PRORP: variants seen among roughly 807,000 people sequenced by gnomAD.
PRORP encodes the protein mitochondrial ribonuclease P catalytic subunit.
A neutral mutation model predicts 59.4 loss-of-function variants in PRORP; 51 were observed. The observed-to-expected ratio is 0.86, with a 90% confidence interval of 0.69 to 1.08. The LOEUF (loss-of-function observed/expected upper bound fraction) is 1.08, where lower values mean the gene tolerates loss of function less well. Ranked by LOEUF, PRORP falls within the 50% of genes least tolerant of loss-of-function variation. PRORP has a pLI of 0.00. For synonymous variants in PRORP, 231 were observed against 245.6 expected (o/e 0.94, Z 0.55); for missense variants, 646 against 690.3 (o/e 0.94, Z 0.72).
chr14:35,123,277 T>C lies in PRORP; in HGVS notation c.32T>C (p.Phe11Ser). The change falls in exon 2 of 8, where the codon TTT becomes TCT. Residue 11 changes from phenylalanine (F) to serine (S), a missense_variant. By Grantham distance (155) the Phe-to-Ser change is radical (BLOSUM62 -2). Transcript: ENST00000534898. ...TTCTATTTGTTTGGTATTCGAAGCT[T>C]TCCGAAGCTTTGGAAGAGCCCATAC... is the stretch of plus-strand genomic sequence containing the variant. MTFYLFGIRS[F>S]PKLWKSPYLG... 1 of 1,612,522 alleles carries C rather than the reference T, an allele frequency of 6.2e-7. No homozygotes were observed. Among genetic ancestry groups the C allele is most frequent in the Non-Finnish European group, 8.5e-7 (1 of 1,179,514 alleles).
intron 5 of PRORP, among the ~76,000 whole-genome samples, chr14:35,194,676 G>A (rs2048966468): frequency 2.0e-5 from 3 of 151,808 alleles, no homozygotes; most frequent in South Asian, 4.1e-4. Flanking sequence ...AGAACTTAAA[G>A]TATAATTAAT....
At chr14:35,172,967 A>G (rs1288055919) in intron 4 of PRORP, among the ~76,000 whole-genome samples, 1 of 151,872 alleles carries the variant, frequency 6.6e-6, no homozygotes, top group African/African-American at 2.4e-5. Context: ...TCCCAAGATC[A>G]AGCAATTCTC....
At chr14:35,260,140 T>C (rs139981296) in intron 5 of PRORP, among the ~76,000 whole-genome samples, 12 of 151,648 alleles carry the variant, frequency 7.9e-5, no homozygotes, top group Middle Eastern at 3.4e-3. Flanking sequence ...GCCTCCAGAG[T>C]AGCTGGGACC....
At position 35,122,978 on chromosome 14, in the gene PRORP, C is replaced by T; in HGVS notation, c.-268C>T. ...TTCATGAACTGGAATGTAAGAGGCA[C>T]CAGAGGATTCCTGCTCTGTCCCCTG... is the stretch of plus-strand genomic sequence containing the variant. On this transcript the variant is annotated 5_prime_UTR_variant, in exon 2 of 8. Transcript: ENST00000534898. 1 of 426,434 alleles carries T rather than the reference C, an allele frequency of 2.3e-6. No individual in the cohort carries two copies. The highest frequency in any genetic ancestry group is 4.2e-6 in the Non-Finnish European group (1 of 235,530). 26.4% of individuals were successfully genotyped at this position (426,434 alleles called of 1,614,324 possible).
At chr14:35,173,296 T>C (rs1255897656) in intron 4 of PRORP, among the ~76,000 whole-genome samples, 1 of 152,242 alleles carries the variant, frequency 6.6e-6, no homozygotes, top group Non-Finnish European at 1.5e-5. Context: ...CTTTAGAGAT[T>C]ATCTATGTTT....
At chr14:35,231,863 A>C (rs1423820344) in intron 5 of PRORP, among the ~76,000 whole-genome samples, 1 of 152,222 alleles carries the variant, frequency 6.6e-6, no homozygotes, top group East Asian at 1.9e-4. Context: ...AAACCTGATA[A>C]ATAAAACAGA....
chr14:35,214,704 C>G (rs1202965314), intron 5 of PRORP, among the ~76,000 whole-genome samples: 1 of 152,076 alleles, frequency 6.6e-6, no homozygotes, highest in Admixed American at 6.6e-5. Context: ...GCCAGGAGTT[C>G]GAGACCAGCC....
At chr14:35,129,806 A>G (rs1282273663) in intron 4 of PRORP, among the ~76,000 whole-genome samples, 1 of 152,126 alleles carries the variant, frequency 6.6e-6, no homozygotes, top group Non-Finnish European at 1.5e-5. Context: ...GGAGGTTACC[A>G]TGAGGCTCAC....
At chr14:35,142,170 C>T (rs562547022) in intron 4 of PRORP, among the ~76,000 whole-genome samples, 1 of 143,168 alleles carries the variant, frequency 7.0e-6, no homozygotes, top group South Asian at 2.3e-4. Context: ...TGAGCCACCG[C>T]GCCCAGCCTT....
At position 35,123,532 on chromosome 14, in the gene PRORP, T is replaced by A. The variant is rs2138758206; in HGVS notation, c.287T>A (p.Met96Lys). Reference sequence around the variant, plus strand: ...GGAGCAGCTAAGGAGAGATCACAGATGAATTCTCAAACTGAAGATCATGCC... The same window carrying A: ...GGAGCAGCTAAGGAGAGATCACAGAAGAATTCTCAAACTGAAGATCATGCC... ...LAGAAKERSQ[M>K]NSQTEDHALA... The change falls in exon 2 of 8, where the codon ATG becomes AAG. Residue 96 changes from methionine to lysine, a missense_variant. Transcript: ENST00000534898. 1 of 1,614,192 alleles carries A rather than the reference T, an allele frequency of 6.2e-7. No homozygotes were observed. The highest frequency in any genetic ancestry group is 1.1e-5 in the South Asian group (1 of 91,088).
chr14:35,235,623 C>T (rs895709549), intron 5 of PRORP: 4 of 466,560 alleles, frequency 8.6e-6, no homozygotes, highest in African/African-American at 4.0e-5. Context: ...TTCTTCTTGG[C>T]CTGGACAAAC....
intron 4 of PRORP, among the ~76,000 whole-genome samples, chr14:35,141,602 AT>A (rs2047481527): frequency 7.0e-6 from 1 of 143,284 alleles, no homozygotes; most frequent in South Asian, 2.3e-4. Context: ...TTACAGTCAG[AT>A]TTTTTATATT....
rs75954582 is a variant in PRORP, at chr14:35,194,007, A to G, written c.1275+13230A>G. 2.6e-4 allele frequency among the ~76,000 whole-genome samples: 39 copies of G among 152,110 alleles called. No homozygotes were observed. In the East Asian group the frequency reaches 7.4e-3, roughly 29 times the overall value. On this transcript the variant is annotated intron_variant, in intron 5 of 7. Coordinates refer to ENST00000534898, the MANE Select transcript of PRORP (RefSeq NM_014672.4). Reference sequence around the variant, plus strand: ...AGGAATTTTTTTTTCTTTTTCAAATATATATATGAGGAGCAGCATATTAGA... The same window carrying G: ...AGGAATTTTTTTTTCTTTTTCAAATGTATATATGAGGAGCAGCATATTAGA...
intron 4 of PRORP, among the ~76,000 whole-genome samples, chr14:35,162,194 C>T (rs2048076887): frequency 6.6e-6 from 1 of 152,094 alleles, no homozygotes; most frequent in South Asian, 2.1e-4. Context: ...TCATCTTACA[C>T]ATTTGTAATT....
At chr14:35,214,938 C>T (rs1035397903) in intron 5 of PRORP, among the ~76,000 whole-genome samples, 6 of 152,020 alleles carry the variant, frequency 3.9e-5, no homozygotes, top group Non-Finnish European at 7.4e-5. Context: ...GTCTTGAGTG[C>T]CTTTTGAGTA....
intron 5 of PRORP, among the ~76,000 whole-genome samples, chr14:35,236,096 C>CA (rs59458917): frequency 0.17 from 10,621 of 61,504 alleles, 817 homozygotes; most frequent in East Asian, 0.56. Context: ...ACCCCATCTC[C>CA]AAAAAAAAAA....
intron 5 of PRORP, among the ~76,000 whole-genome samples, chr14:35,251,231 C>T (rs377421585): frequency 1.3e-5 from 2 of 151,792 alleles, no homozygotes; most frequent in East Asian, 1.9e-4. Context: ...AGTATTCCAT[C>T]ATATATATAT....
At chr14:35,195,044 T>C (rs146839957) in intron 5 of PRORP, among the ~76,000 whole-genome samples, 230 of 152,272 alleles carry the variant, frequency 1.5e-3, no homozygotes, top group Non-Finnish European at 2.6e-3. Flanking sequence ...TTGAACAGTG[T>C]TCAGATAAAT....
intron 6 of PRORP, 43 bp from the exon 7 acceptor site, chr14:35,270,358 C>T (rs2138674943): frequency 6.3e-7 from 1 of 1,583,116 alleles, no homozygotes; most frequent in East Asian, 2.2e-5. Context: ...TCCTCTGCCT[C>T]TTCAGCTGTG....
Sources: allele counts gnomAD v4.1 joint callset (sites outside exome capture counted in the v4.1 genomes callset), GRCh38; gene constraint gnomAD v4.1.1; transcripts MANE v1.5; gene names NCBI Gene and HGNC (gene_info 2026-07-23, HGNC 2026-07-21).